Variants in PRSS38 observed in about 807,000 individuals in gnomAD.
The protein encoded by PRSS38 is serine protease 38.
A neutral mutation model predicts 26.8 loss-of-function variants in PRSS38; 22 were observed. The ratio of observed to expected loss-of-function variants is 0.82; its 90% CI spans 0.59 to 1.17. PRSS38 has a LOEUF of 1.17. Ranked by LOEUF, PRSS38 falls within the 50% of genes most tolerant of loss-of-function variation. The probability of loss-of-function intolerance (pLI) is 0.00; values close to 1 mark genes in which losing one functional copy is unlikely to be tolerated. For missense variants in PRSS38, 427 were observed against 422.7 expected (o/e 1.01, Z -0.09); for synonymous variants, 175 against 172.1 (o/e 1.02, Z -0.13).
chr1:227,817,578 G>GGATTCCA (rs1664942198), intron 3 of PRSS38, 98 bp downstream of exon 3: 1 of 1,243,496 alleles, frequency 8.0e-7, no homozygotes, highest in South Asian at 1.4e-5. Flanking sequence ...CAGGTGTTTG[G>GGATTCCA]GGACTGGAAT....
At chr1:227,827,198 G>T (rs1665085942) in intron 3 of PRSS38, among the ~76,000 whole-genome samples, 1 of 152,120 alleles carries the variant, frequency 6.6e-6, no homozygotes, top group African/African-American at 2.4e-5. Context: ...TGGCCTCATA[G>T]AACAAATTAG....
At chr1:227,827,392 TTCTTGGTTCAG>T (rs1270091251) in intron 3 of PRSS38, among the ~76,000 whole-genome samples, 2 of 152,192 alleles carry the variant, frequency 1.3e-5, no homozygotes, top group African/African-American at 4.8e-5. Context: ...TTTCAATTTC[TTCTTGGTTCAG>T]TCTTGGGAGG....
intron 4 of PRSS38, among the ~76,000 whole-genome samples, 153 bp from the exon 5 acceptor site, chr1:227,845,801 G>A (rs1356291088): frequency 6.6e-6 from 1 of 152,216 alleles, no homozygotes. Context: ...ACTCTGGGCT[G>A]TGTTGCAGCC....
intron 3 of PRSS38, among the ~76,000 whole-genome samples, chr1:227,844,633 G>C (rs924242451): frequency 2.0e-5 from 3 of 149,432 alleles, no homozygotes; most frequent in Non-Finnish European, 4.5e-5. Flanking sequence ...CCCTATGTGT[G>C]GTGGGGCTCC....
At chr1:227,828,369 C>T (rs972167346) in intron 3 of PRSS38, among the ~76,000 whole-genome samples, 1 of 152,188 alleles carries the variant, frequency 6.6e-6, no homozygotes, top group Admixed American at 6.5e-5. Flanking sequence ...AATCTGGGTG[C>T]TCCTGTATTG....
chr1:227,846,283 A>G (rs1194973628), exon 5 of PRSS38: 2 of 1,562,856 alleles, frequency 1.3e-6, no homozygotes, highest in African/African-American at 1.3e-5. Flanking sequence ...ACCCCTAAGC[A>G]TCTCCTGTCC....
In PRSS38 at chr1:227,816,159, G is replaced by T. The variant is rs1312161067; in HGVS notation, c.218G>T (p.Trp73Leu). The change falls in exon 2 of 5, where the codon TGG becomes TTG. Residue 73 changes from tryptophan to leucine, a missense_variant. Physicochemically the swap from Trp to Leu is moderately conservative, Grantham distance 61. Coordinates refer to ENST00000366757, the Ensembl canonical transcript of PRSS38. This position sits in a 1 kb window ranked among gnomAD's most constrained non-coding sequence, Gnocchi z 5.1. ...CCTGCGCCCGAGAGGAAGTGGCCGT[G>T]GCAGGTCAGCGTGCACTACGCAGGC... The T allele has an allele frequency of 6.2e-7, 1 of 1,613,672 alleles. No individual in the cohort carries two copies. The highest frequency in any genetic ancestry group is 8.5e-7 in the Non-Finnish European group (1 of 1,179,940).
Position 227,837,085 on chromosome 1 carries a change from G to A in PRSS38, c.584-8385G>A, listed in dbSNP as rs549126289. Among the ~76,000 whole-genome samples, 13 of 152,244 alleles carry A rather than the reference G, an allele frequency of 8.5e-5. No homozygotes were observed. In the East Asian group the frequency reaches 2.3e-3, roughly 27 times the overall value. The stretch of plus-strand genomic sequence containing the variant: ...AGTTCACTGCCGCCTCTAACTCTTG[G>A]GCTCAAATGATCCTCCTGCCTCAGC... On this transcript the variant is annotated intron_variant, in intron 3 of 4. Transcript: ENST00000366757.
chr1:227,837,796 T>G (rs1021227657), intron 3 of PRSS38, among the ~76,000 whole-genome samples: 6 of 152,230 alleles, frequency 3.9e-5, no homozygotes, highest in Non-Finnish European at 7.3e-5. Flanking sequence ...GCTACTCATG[T>G]CATGGCCTCT....
intron 3 of PRSS38, among the ~76,000 whole-genome samples, chr1:227,821,627 GT>G (rs1048439771): frequency 6.6e-6 from 1 of 152,022 alleles, no homozygotes; most frequent in Non-Finnish European, 1.5e-5. Context: ...TGGTTGAAAG[GT>G]TTTTTCTTTT....
chr1:227,844,330 AC>A (rs1441680048), intron 3 of PRSS38, among the ~76,000 whole-genome samples: 2 of 151,406 alleles, frequency 1.3e-5, no homozygotes, highest in East Asian at 3.9e-4. Flanking sequence ...TTCCTCCCCT[AC>A]CCCCCATGAG....
chr1:227,823,183 G>A (rs1665026884), intron 3 of PRSS38, among the ~76,000 whole-genome samples: 1 of 152,048 alleles, frequency 6.6e-6, no homozygotes, highest in Non-Finnish European at 1.5e-5. Flanking sequence ...GTGAGAAGAA[G>A]CATTATTTGA....
rs16848162 is a variant in PRSS38, at chr1:227,845,632, T to A, written c.726+20T>A. 0.14 allele frequency: 228,591 copies of A among 1,608,642 alleles called. 17,296 individuals are homozygous for A. The highest frequency in any genetic ancestry group is 0.23 in the East Asian group (10,509 of 44,742). On this transcript the variant is annotated intron_variant, in intron 4 of 4. Transcript: ENST00000366757. ...TGTGAGGTGTGCCCCTCCTGGTCCA[T>A]GAGACAGAGGTCATGGGTGCCCTGT...
chr1:227,838,263 A>C (rs1026089941), intron 3 of PRSS38, among the ~76,000 whole-genome samples: 2 of 152,244 alleles, frequency 1.3e-5, no homozygotes, highest in Non-Finnish European at 2.9e-5. Flanking sequence ...ATTTAGGCAT[A>C]AGATCCATCT....
At chr1:227,825,848 T>A (rs1240217055) in intron 3 of PRSS38, among the ~76,000 whole-genome samples, 1 of 152,204 alleles carries the variant, frequency 6.6e-6, no homozygotes, top group Non-Finnish European at 1.5e-5. Context: ...CTTAGGATTG[T>A]CTTGGCTATT....
chr1:227,840,424 A>G (rs529710493), intron 3 of PRSS38, among the ~76,000 whole-genome samples: 83 of 151,370 alleles, frequency 5.5e-4, no homozygotes, highest in Non-Finnish European at 1.0e-3. Context: ...CCCAGCCTAC[A>G]CTTTTAAATG....
intron 3 of PRSS38, among the ~76,000 whole-genome samples, chr1:227,834,616 C>T (rs1019555275): frequency 2.8e-4 from 42 of 152,092 alleles, no homozygotes; most frequent in African/African-American, 9.4e-4. Context: ...TTGCAGTGAG[C>T]CGAGATTGCA....
At chr1:227,820,089 CAAA>C (rs61564441) in intron 3 of PRSS38, among the ~76,000 whole-genome samples, 1,061 of 42,714 alleles carry the variant, frequency 0.025, 5 homozygotes, top group African/African-American at 0.073. Flanking sequence ...AACTCCATCT[CAAA>C]AAAAAAAAAA....
At position 227,816,827 on chromosome 1, in the gene PRSS38, C is replaced by T. The variant is rs898842063; in HGVS notation, c.312-382C>T. ...CTGGTCTCTAAGCACCTGGCCTTCC[C>T]GATTGCTCCTCCAACAGCCCCATTC... is the stretch of plus-strand genomic sequence containing the variant. On this transcript the variant is annotated intron_variant, in intron 2 of 4. Transcript: ENST00000366757. The surrounding 1 kb of genome is among the most constrained non-coding windows in gnomAD (Gnocchi z 5.1). Among the ~76,000 whole-genome samples the T allele has an allele frequency of 3.9e-5, 6 of 152,246 alleles. No homozygotes were observed. Among genetic ancestry groups the T allele is most frequent in the Non-Finnish European group, 8.8e-5 (6 of 68,038 alleles).
Sources: gnomAD v4.1 joint callset for allele counts (sites outside exome capture counted in the v4.1 genomes callset) on GRCh38, gnomAD v4.1.1 for gene constraint, Gnocchi (gnomAD v3.1) non-coding constraint, MANE v1.5 for transcripts, NCBI Gene and HGNC (gene_info 2026-07-23, HGNC 2026-07-21) for gene names.